Variants in SLC24A2 observed in about 807,000 individuals in gnomAD.
SLC24A2 encodes the protein sodium/potassium/calcium exchanger 2.
Under a neutral mutation model 62.0 loss-of-function variants are expected in SLC24A2, and 36 were observed. That is an observed-to-expected ratio of 0.58 (90% CI 0.44 to 0.77). SLC24A2 has a LOEUF of 0.77. Among genes scored for constraint, SLC24A2 ranks in the 30% least tolerant of loss-of-function variants. The probability of loss-of-function intolerance (pLI) is 0.00; values close to 1 mark genes in which losing one functional copy is unlikely to be tolerated. For synonymous variants in SLC24A2, 358 were observed against 294.0 expected, an observed-to-expected ratio of 1.22 and a Z score of -2.23; for missense variants, 846 against 817.9, an observed-to-expected ratio of 1.03 and a Z score of -0.42.
the SLC24A2 span, among the ~76,000 whole-genome samples, chr9:19,814,892 T>A: frequency 6.6e-6 from 1 of 152,198 alleles, no homozygotes; most frequent in African/African-American, 2.4e-5. Flanking sequence ...ATAAGAGTGA[T>A]GAACACTGAA....
chr9:20,023,989 G>C, the SLC24A2 span, among the ~76,000 whole-genome samples: 3 of 152,168 alleles, frequency 2.0e-5, no homozygotes, highest in Non-Finnish European at 4.4e-5. Context: ...AGATAGAGCT[G>C]GTTAATCTAG....
chr9:20,190,035 G>C, the SLC24A2 span, among the ~76,000 whole-genome samples: 1 of 152,154 alleles, frequency 6.6e-6, no homozygotes, highest in Non-Finnish European at 1.5e-5. Flanking sequence ...ACCCCACTGG[G>C]AAGCCATGGC....
At chr9:20,152,640 T>A in the SLC24A2 span, among the ~76,000 whole-genome samples, 1 of 151,684 alleles carries the variant, frequency 6.6e-6, no homozygotes, top group Non-Finnish European at 1.5e-5. Context: ...AGTCTGGGAG[T>A]GAAATTGCCT....
chr9:19,865,640 T>C, the SLC24A2 span, among the ~76,000 whole-genome samples: 1 of 152,126 alleles, frequency 6.6e-6, no homozygotes, highest in African/African-American at 2.4e-5. Flanking sequence ...GAAAACTGGA[T>C]ATCCATATAC....
intron 2 of SLC24A2, among the ~76,000 whole-genome samples, chr9:19,766,909 A>G (rs1156363679): frequency 6.6e-6 from 1 of 152,144 alleles, no homozygotes; most frequent in African/African-American, 2.4e-5. Context: ...CCCTTCCCCC[A>G]GGTGCTCTGC....
At chr9:20,202,548 G>A in the SLC24A2 span, among the ~76,000 whole-genome samples, 1 of 152,112 alleles carries the variant, frequency 6.6e-6, no homozygotes, top group African/African-American at 2.4e-5. Flanking sequence ...TGGGTTTCAG[G>A]GAGTGGAGAG....
the SLC24A2 span, among the ~76,000 whole-genome samples, chr9:20,299,572 G>T: frequency 2.6e-5 from 4 of 152,214 alleles, no homozygotes; most frequent in Non-Finnish European, 4.4e-5. Flanking sequence ...CATTAGCCAG[G>T]AAGGGGAGGT....
chr9:20,148,212 T>C, the SLC24A2 span, among the ~76,000 whole-genome samples: 1 of 147,902 alleles, frequency 6.8e-6, no homozygotes, highest in Admixed American at 6.7e-5. Flanking sequence ...GATATGTAAA[T>C]ATATATCATA....
the SLC24A2 span, among the ~76,000 whole-genome samples, chr9:20,161,367 AT>A: frequency 6.6e-6 from 1 of 151,422 alleles, no homozygotes; most frequent in Non-Finnish European, 1.5e-5. Flanking sequence ...TTAATTAAAA[AT>A]TCTTTTTGAA....
At chr9:20,014,517 T>TATATACAC in the SLC24A2 span, among the ~76,000 whole-genome samples, 7 of 148,392 alleles carry the variant, frequency 4.7e-5, no homozygotes, top group African/African-American at 1.2e-4. Context: ...TATATATATA[T>TATATACAC]ACACACACAC....
At chr9:19,926,216 T>C in the SLC24A2 span, 2 of 152,340 alleles carry the variant, frequency 1.3e-5, no homozygotes, top group African/African-American at 2.4e-5. Context: ...GGCGGCTCCT[T>C]TCTCCCTGCA....
chr9:19,687,037 C>T (rs10964252), intron 2 of SLC24A2, among the ~76,000 whole-genome samples: 57,675 of 151,882 alleles, frequency 0.38, 13,299 homozygotes, highest in East Asian at 0.74. Flanking sequence ...AACAGAAAAC[C>T]AAATACCACA....
intron 2 of SLC24A2, among the ~76,000 whole-genome samples, chr9:19,721,041 A>T (rs2118652347): frequency 6.6e-6 from 1 of 152,212 alleles, no homozygotes; most frequent in South Asian, 2.1e-4. Context: ...TCAGTTTCTG[A>T]TCCTTCTTCC....
the SLC24A2 span, among the ~76,000 whole-genome samples, chr9:20,124,836 A>G: frequency 2.0e-5 from 3 of 152,238 alleles, no homozygotes; most frequent in African/African-American, 7.2e-5. Context: ...TCAGAAGAGA[A>G]AACAGAGGGT....
chr9:19,685,670 G>T (rs980841322), intron 2 of SLC24A2, among the ~76,000 whole-genome samples: 1 of 151,986 alleles, frequency 6.6e-6, no homozygotes, highest in Non-Finnish European at 1.5e-5. Flanking sequence ...AGCAATGGGG[G>T]AAAAGACTCC....
chr9:20,089,402 A>G, the SLC24A2 span, among the ~76,000 whole-genome samples: 1 of 152,058 alleles, frequency 6.6e-6, no homozygotes, highest in Non-Finnish European at 1.5e-5. Flanking sequence ...CTTAGAGTCA[A>G]ACCACAACCC....
intron 7 of SLC24A2, among the ~76,000 whole-genome samples, chr9:19,567,767 A>G (rs1037020046): frequency 6.6e-6 from 1 of 152,034 alleles, no homozygotes; most frequent in African/African-American, 2.4e-5. Flanking sequence ...TGTTGGAATC[A>G]ACAACAATGG....
chr9:19,696,957 T>C (rs943468061), intron 2 of SLC24A2, among the ~76,000 whole-genome samples: 1 of 152,198 alleles, frequency 6.6e-6, no homozygotes, highest in African/African-American at 2.4e-5. Flanking sequence ...AATGTTATAA[T>C]AGATCCCAAT....
At chr9:19,523,204 GA>G (rs1303364196) in intron 9 of SLC24A2, among the ~76,000 whole-genome samples, 2 of 152,172 alleles carry the variant, frequency 1.3e-5, no homozygotes, top group African/African-American at 4.8e-5. Context: ...CTATATACAG[GA>G]AAACATAGGA....
Sources: gnomAD v4.1 joint callset for allele counts (sites outside exome capture counted in the v4.1 genomes callset) on GRCh38, gnomAD v4.1.1 for gene constraint, MANE v1.5 for transcripts, NCBI Gene and HGNC (gene_info 2026-07-23, HGNC 2026-07-21) for gene names.